Variants in PRMT3 observed in about 807,000 individuals in gnomAD.
PRMT3 encodes the protein protein arginine methyltransferase 3, also known as protein arginine N-methyltransferase 3.
PRMT3 carries 62 observed loss-of-function variants against 71.9 expected under a neutral mutation model. That is an observed-to-expected ratio of 0.86 (90% CI 0.70 to 1.07). PRMT3 has a LOEUF of 1.07. Ranked by LOEUF, PRMT3 falls within the 50% of genes least tolerant of loss-of-function variation. The pLI is 0.00. For missense variants in PRMT3, 663 were observed against 643.0 expected (o/e 1.03, Z -0.34); for synonymous variants, 213 against 220.4 (o/e 0.97, Z 0.30).
intron 11 of PRMT3, among the ~76,000 whole-genome samples, chr11:20,461,363 C>A (rs1288328807): frequency 6.6e-6 from 1 of 152,176 alleles, no homozygotes; most frequent in Non-Finnish European, 1.5e-5. Flanking sequence ...TGCTCCTGTT[C>A]TTAGTATTTA....
chr11:20,485,254 G>A (rs945670919), intron 13 of PRMT3, among the ~76,000 whole-genome samples: 2 of 152,092 alleles, frequency 1.3e-5, no homozygotes, highest in Non-Finnish European at 2.9e-5. Context: ...CTTTCTAGAA[G>A]ATTATTACAG....
intron 10 of PRMT3, among the ~76,000 whole-genome samples, chr11:20,450,695 G>T (rs554513029): frequency 6.3e-4 from 96 of 152,216 alleles, no homozygotes; most frequent in Non-Finnish European, 1.2e-3. Flanking sequence ...CGGCAATTCA[G>T]TTCAGTTCCT....
chr11:20,494,520 G>A (rs1369893086), intron 15 of PRMT3, among the ~76,000 whole-genome samples: 1 of 152,094 alleles, frequency 6.6e-6, no homozygotes, highest in East Asian at 1.9e-4. Context: ...TTTTAGTAGA[G>A]ATGGGGTTTC....
At chr11:20,454,821 T>TA (rs1172548362) in intron 11 of PRMT3, among the ~76,000 whole-genome samples, 1 of 152,092 alleles carries the variant, frequency 6.6e-6, no homozygotes, top group Non-Finnish European at 1.5e-5. Flanking sequence ...AATTTATTTT[T>TA]ACATGAGTTT....
intron 15 of PRMT3, among the ~76,000 whole-genome samples, chr11:20,504,326 G>A (rs1198457661): frequency 1.3e-5 from 2 of 152,066 alleles, no homozygotes; most frequent in Non-Finnish European, 2.9e-5. Context: ...ATCTACTTCT[G>A]AGCTCTCATT....
rs550640128 is a variant in PRMT3 at position 20,502,898 on chromosome 11, T to G, written c.1487-5406T>G. 6.6e-5 allele frequency among the ~76,000 whole-genome samples: 10 copies of G among 152,298 alleles called. No individual in the cohort carries two copies. The South Asian group carries it at 1.7e-3, about 25-fold the overall frequency. On this transcript the variant is annotated intron_variant, in intron 15 of 15. Transcript: ENST00000331079. ...TTTTAGATGGTAGTTAAATAAATAG[T>G]ACTTATCTCCTCTGATTTGAAATAC... is the stretch of plus-strand genomic sequence containing the variant.
intron 15 of PRMT3, among the ~76,000 whole-genome samples, chr11:20,503,173 A>T (rs1487414023): frequency 1.3e-5 from 2 of 152,016 alleles, no homozygotes; most frequent in South Asian, 2.1e-4. Context: ...TTTTATAGTC[A>T]CATCTGTCAA....
chr11:20,464,466 G>C lies in PRMT3; in HGVS notation c.1267G>C (p.Asp423His), dbSNP rs202061318. The stretch of plus-strand genomic sequence containing the variant: ...ACTTCTTTTTAATGGGTAGCATATA[G>C]ATTGCCATACGACGTCTATCTCAGA... ...ISEPCGIKHI[D>H]CHTTSISDLE... The change falls in exon 13 of 16, where the codon GAT becomes CAT. Residue 423 changes from aspartate to histidine, a missense_variant. Transcript: ENST00000331079. The C allele has an allele frequency of 1.6e-5, 25 of 1,602,502 alleles. No homozygotes were observed. The highest frequency in any genetic ancestry group is 2.1e-5 in the Non-Finnish European group (25 of 1,174,496).
chr11:20,493,804 A>G (rs1851267238), intron 13 of PRMT3, 115 bp from the exon 14 acceptor site: 1 of 674,026 alleles, frequency 1.5e-6, no homozygotes, highest in South Asian at 2.2e-5. Context: ...TGAGTTTAAG[A>G]GGTATTTAGT....
At chr11:20,497,447 A>G (rs1851358491) in intron 15 of PRMT3, among the ~76,000 whole-genome samples, 1 of 152,218 alleles carries the variant, frequency 6.6e-6, no homozygotes, top group African/African-American at 2.4e-5. Context: ...GAAAGATTTT[A>G]AAAGGAAATT....
chr11:20,410,500 T>TTGTC (rs10647170), intron 9 of PRMT3, among the ~76,000 whole-genome samples: 1 of 151,756 alleles, frequency 6.6e-6, no homozygotes, highest in African/African-American at 2.4e-5. Flanking sequence ...TCAAAATAAA[T>TTGTC]AGGTAGTTGT....
At chr11:20,434,048 C>T (rs1849712639) in intron 10 of PRMT3, among the ~76,000 whole-genome samples, 1 of 152,040 alleles carries the variant, frequency 6.6e-6, no homozygotes, top group Non-Finnish European at 1.5e-5. Flanking sequence ...GTTATTTTTT[C>T]ACTTTTTAAT....
intron 10 of PRMT3, among the ~76,000 whole-genome samples, chr11:20,446,050 C>T (rs1225197131): frequency 5.9e-5 from 9 of 152,174 alleles, no homozygotes; most frequent in Non-Finnish European, 1.3e-4. Flanking sequence ...TGTGCTTGTA[C>T]GTGTGTGCTC....
intron 10 of PRMT3, among the ~76,000 whole-genome samples, chr11:20,448,398 G>C (rs1850077532): frequency 6.6e-6 from 1 of 152,040 alleles, no homozygotes. Flanking sequence ...TGGTAAAAAT[G>C]TTATCAACTA....
chr11:20,498,485 T>C (rs1331822618), intron 15 of PRMT3, among the ~76,000 whole-genome samples: 1 of 152,158 alleles, frequency 6.6e-6, no homozygotes, highest in African/African-American at 2.4e-5. Context: ...TCCTAGCACT[T>C]TGAGAGGCCG....
At chr11:20,436,757 T>G (rs1849769566) in intron 10 of PRMT3, among the ~76,000 whole-genome samples, 1 of 152,056 alleles carries the variant, frequency 6.6e-6, no homozygotes, top group Non-Finnish European at 1.5e-5. Context: ...TTTTTAATAG[T>G]GTCTTTAACT....
intron 9 of PRMT3, among the ~76,000 whole-genome samples, chr11:20,414,527 C>G (rs1438161776): frequency 6.6e-6 from 1 of 152,160 alleles, no homozygotes; most frequent in Non-Finnish European, 1.5e-5. Flanking sequence ...GATAGCAAAG[C>G]TATTCAGTTG....
chr11:20,447,952 G>T (rs1197979634), intron 10 of PRMT3, among the ~76,000 whole-genome samples: 1 of 152,026 alleles, frequency 6.6e-6, no homozygotes, highest in Non-Finnish European at 1.5e-5. Context: ...AAATGCTATG[G>T]AATGGAGCAA....
Position 20,387,786 on chromosome 11 carries a change from G to A in PRMT3, c.28+12G>A. 6.5e-7 allele frequency: 1 copy of A among 1,541,940 alleles called. No individual in the cohort carries two copies. The highest frequency in any genetic ancestry group is 8.7e-7 in the Non-Finnish European group (1 of 1,146,306). ...GTCAGGCGCTACCGGTGGGTACCCT[G>A]GCCCCTCAGCACCCGGCTCGTCCAG... On this transcript the variant is annotated intron_variant, in intron 1 of 15. Coordinates refer to ENST00000331079, the MANE Select transcript of PRMT3 (RefSeq NM_005788.4). This position sits in a 1 kb window ranked among gnomAD's most constrained non-coding sequence, Gnocchi z 4.3.
Sources: gnomAD v4.1 joint callset for allele counts (sites outside exome capture counted in the v4.1 genomes callset) on GRCh38, gnomAD v4.1.1 for gene constraint, Gnocchi (gnomAD v3.1) non-coding constraint, MANE v1.5 for transcripts, NCBI Gene and HGNC (gene_info 2026-07-23, HGNC 2026-07-21) for gene names.